The following DCC variants were observed in gnomAD, a reference collection of about 807,000 sequenced individuals.
DCC encodes DCC netrin 1 receptor, also known as netrin receptor DCC.
In DCC, 58 loss-of-function variants were observed where a neutral mutation model predicts 172.5. The observed-to-expected ratio is 0.34, with a 90% CI of 0.27 to 0.42. DCC has a LOEUF of 0.42. DCC is among the 10% of genes least tolerant of loss of function. DCC has a pLI of 1.00. For missense variants in DCC, 1,740 were observed against 1,791.0 expected, an observed-to-expected ratio of 0.97 and a Z score of 0.51; for synonymous variants, 709 against 644.5, an observed-to-expected ratio of 1.10 and a Z score of -1.52.
chr18:52,775,775 G>T (rs929429588), intron 2 of DCC, among the ~76,000 whole-genome samples: 2 of 152,184 alleles, frequency 1.3e-5, no homozygotes, highest in Non-Finnish European at 1.5e-5. Flanking sequence ...GCCCACTAGG[G>T]TCTCAGGCTT....
chr18:52,792,017 C>T (rs1226866493), intron 2 of DCC, among the ~76,000 whole-genome samples: 1 of 152,032 alleles, frequency 6.6e-6, no homozygotes, highest in Non-Finnish European at 1.5e-5. Context: ...AACATAAAGC[C>T]TGGTCTCTAG....
intron 1 of DCC, among the ~76,000 whole-genome samples, chr18:52,568,663 T>A (rs1194230730): frequency 6.6e-6 from 1 of 152,134 alleles, no homozygotes; most frequent in African/African-American, 2.4e-5. Context: ...ATATGTTTAC[T>A]ATATGTCACT....
intron 5 of DCC, among the ~76,000 whole-genome samples, chr18:53,052,284 C>G (rs1471761488): frequency 6.6e-6 from 1 of 152,052 alleles, no homozygotes; most frequent in Non-Finnish European, 1.5e-5. Context: ...TTAAATGAAT[C>G]CATTGTGTGA....
chr18:52,569,014 C>T (rs760291169), intron 1 of DCC, among the ~76,000 whole-genome samples: 3 of 152,168 alleles, frequency 2.0e-5, no homozygotes, highest in Non-Finnish European at 4.4e-5. Context: ...TACGTGCTGA[C>T]TGTGTAAAGT....
Position 53,351,418 on chromosome 18 carries a change from CACACTGTGTATATATATAT to C in DCC, c.2359+11515_2359+11533del, listed in dbSNP as rs2057806376. Among the ~76,000 whole-genome samples, 2 of 19,280 alleles carry C rather than the reference CACACTGTGTATATATATAT, an allele frequency of 1.0e-4. 1 individual carries two copies. The highest frequency in any genetic ancestry group is 4.9e-4 in the African/African-American group (2 of 4,054). 12.6% of individuals were successfully genotyped at this position (19,280 alleles called of 152,430 possible). A position where few individuals can be genotyped will look rare whatever the true frequency, so the allele number is the denominator to read the frequency against. On this transcript the variant is annotated intron_variant, in intron 15 of 28. Coordinates refer to ENST00000442544, the MANE Select transcript of DCC (RefSeq NM_005215.4). ...TATACAGTGTATATATATATATATA[CACACTGTGTATATATATAT>C]ACAGTGTATATATATATATACACAG...
rs1410819564 is a variant in DCC at position 53,514,376 on chromosome 18, A to G, written c.4112-12241A>G. 2.0e-5 allele frequency among the ~76,000 whole-genome samples: 3 copies of G among 152,280 alleles called. No homozygotes were observed. In the East Asian group the frequency reaches 5.8e-4, roughly 29 times the overall value. ...AAAGATCCAAAATTGACACCCTAAC[A>G]TCACCATTAAAAGAACTAGAAAAGC... On this transcript the variant is annotated intron_variant, in intron 27 of 28. Coordinates refer to ENST00000442544, the MANE Select transcript of DCC (RefSeq NM_005215.4).
At chr18:52,748,954 C>T (rs145257234) in intron 1 of DCC, among the ~76,000 whole-genome samples, 43 of 152,198 alleles carry the variant, frequency 2.8e-4, no homozygotes, top group Admixed American at 1.4e-3. Flanking sequence ...CTCAGCACTT[C>T]GGGAGGCTGA....
intron 5 of DCC, among the ~76,000 whole-genome samples, chr18:53,057,118 A>T (rs1399745428): frequency 6.7e-6 from 1 of 149,172 alleles, no homozygotes; most frequent in Non-Finnish European, 1.5e-5. Flanking sequence ...GTCTTCACCT[A>T]TATGGGGTGT....
intron 1 of DCC, among the ~76,000 whole-genome samples, chr18:52,681,593 C>A (rs772467317): frequency 6.6e-6 from 1 of 151,970 alleles, no homozygotes; most frequent in African/African-American, 2.4e-5. Context: ...TGATTAGTTC[C>A]TTTTGTCAAC....
intron 8 of DCC, among the ~76,000 whole-genome samples, chr18:53,159,724 T>G (rs914701634): frequency 6.6e-6 from 1 of 152,186 alleles, no homozygotes. Flanking sequence ...GGTTAAAATT[T>G]TTTCACTCAA....
At chr18:52,451,287 G>T (rs1299294524) in intron 1 of DCC, among the ~76,000 whole-genome samples, 2 of 152,124 alleles carry the variant, frequency 1.3e-5, no homozygotes, top group Non-Finnish European at 2.9e-5. Flanking sequence ...TGGTTATCTT[G>T]TTTCCCAGCC....
At chr18:53,475,892 AG>A (rs143263172) in intron 25 of DCC, among the ~76,000 whole-genome samples, 1,545 of 152,284 alleles carry the variant, frequency 0.01, 17 homozygotes, top group African/African-American at 0.035. Flanking sequence ...AGCAGCTAGA[AG>A]GGAGGATGTA....
At chr18:53,273,482 T>C (rs1277437005) in intron 12 of DCC, among the ~76,000 whole-genome samples, 3 of 152,150 alleles carry the variant, frequency 2.0e-5, no homozygotes, top group Non-Finnish European at 4.4e-5. Context: ...AGAACATATA[T>C]CATTAAAATC....
intron 23 of DCC, among the ~76,000 whole-genome samples, chr18:53,456,481 G>A (rs992329451): frequency 1.3e-5 from 2 of 152,076 alleles, no homozygotes; most frequent in Admixed American, 6.6e-5. Context: ...TTGCAGAGGG[G>A]CCAAACATGA....
chr18:53,450,142 T>TATATAC (rs1478515797), intron 22 of DCC, among the ~76,000 whole-genome samples: 4 of 148,998 alleles, frequency 2.7e-5, no homozygotes, highest in Admixed American at 6.7e-5. Context: ...TATATATATA[T>TATATAC]ACACACACAC....
At chr18:53,262,306 C>A (rs150199026) in intron 12 of DCC, among the ~76,000 whole-genome samples, 1 of 152,130 alleles carries the variant, frequency 6.6e-6, no homozygotes, top group Non-Finnish European at 1.5e-5. Context: ...ATATACAGAC[C>A]AAATGCTATT....
chr18:53,023,174 T>TA (rs1467300327), intron 5 of DCC, among the ~76,000 whole-genome samples: 5 of 151,870 alleles, frequency 3.3e-5, no homozygotes, highest in African/African-American at 1.2e-4. Context: ...TAGAAGTATT[T>TA]ACCAGTCTAT....
intron 23 of DCC, 47 bp from the exon 24 acceptor site, chr18:53,459,185 C>T: frequency 1.5e-6 from 2 of 1,374,488 alleles, no homozygotes; most frequent in South Asian, 2.3e-5. Flanking sequence ...AAAGGAAGTG[C>T]CATTGAATAG....
intron 5 of DCC, among the ~76,000 whole-genome samples, chr18:53,027,326 AG>A (rs1299276021): frequency 1.3e-5 from 2 of 152,190 alleles, no homozygotes; most frequent in African/African-American, 4.8e-5. Flanking sequence ...AATAAGCCTC[AG>A]AGAATCCATC....
Sources: gnomAD v4.1 joint callset for allele counts (sites outside exome capture counted in the v4.1 genomes callset) on GRCh38, gnomAD v4.1.1 for gene constraint, MANE v1.5 for transcripts, NCBI Gene and HGNC (gene_info 2026-07-23, HGNC 2026-07-21) for gene names.